Variants in IL12B observed in about 807,000 individuals in gnomAD.
The protein encoded by IL12B is interleukin 12B, also known as interleukin-12 subunit beta.
IL12B carries 27 observed loss-of-function variants against 39.2 expected under a neutral mutation model. The observed-to-expected ratio is 0.69, with a 90% CI of 0.51 to 0.95. The LOEUF (loss-of-function observed/expected upper bound fraction) is 0.95, where lower values mean the gene tolerates loss of function less well. Among genes scored for constraint, IL12B ranks in the 40% least tolerant of loss-of-function variants. The pLI is 0.00. For synonymous variants in IL12B, 142 were observed against 152.1 expected (o/e 0.93, Z 0.49); for missense variants, 351 against 397.6 (o/e 0.88, Z 1.00).
At position 159,318,856 on chromosome 5, in the gene IL12B, T is replaced by C. The variant is rs1365999897; in HGVS notation, c.735A>G (p.Pro245=). 1 of 1,614,096 alleles carries C rather than the reference T, an allele frequency of 6.2e-7. No homozygotes were observed. Among genetic ancestry groups the C allele is most frequent in the East Asian group, 2.2e-5 (1 of 44,886 alleles). ...PDPPKNLQLK[P]LKNSRQVEVS... is the part of the protein sequence containing the mutation. ...CCTCCACCTGCCGAGAATTCTTTAA[T>C]GGCTTCAGCTGCAAGTTCTTGGGTG... Residue 245 remains proline (P), a synonymous_variant, in exon 6 of 8, where the codon CCA becomes CCG. Coordinates refer to ENST00000231228, the MANE Select transcript of IL12B (RefSeq NM_002187.3).
At chr5:159,326,283 C>T (rs1437772288) in intron 2 of IL12B, among the ~76,000 whole-genome samples, 1 of 152,118 alleles carries the variant, frequency 6.6e-6, no homozygotes, top group African/African-American at 2.4e-5. Flanking sequence ...AGTGCTTGGT[C>T]AGAGGTAAGT....
At chr5:159,330,140 C>T (rs929936464) in intron 1 of IL12B, among the ~76,000 whole-genome samples, 6 of 152,182 alleles carry the variant, frequency 3.9e-5, no homozygotes, top group Admixed American at 1.3e-4. Flanking sequence ...TTTTATACAT[C>T]AATACACACC....
chr5:159,325,099 T>G (rs746961775), intron 2 of IL12B, among the ~76,000 whole-genome samples: 2 of 152,178 alleles, frequency 1.3e-5, no homozygotes, highest in Non-Finnish European at 2.9e-5. Context: ...GGAGGAAAGC[T>G]GAAGAGGAGC....
chr5:159,327,152 A>G (rs1460991533), intron 1 of IL12B, among the ~76,000 whole-genome samples: 3 of 152,220 alleles, frequency 2.0e-5, no homozygotes, highest in Admixed American at 6.5e-5. Context: ...ATCAACATCT[A>G]GCAGTTGTTT....
chr5:159,316,807 CTCTA>C lies in IL12B; in HGVS notation c.861_864del (p.Asp287GlufsTer44). 6.2e-7 allele frequency: 1 copy of C among 1,613,986 alleles called. No individual in the cohort carries two copies. On this transcript the variant is annotated frameshift_variant, in exon 7 of 8. Coordinates refer to ENST00000231228, the MANE Select transcript of IL12B (RefSeq NM_002187.3). LOFTEE classifies it high-confidence loss of function. The stretch of plus-strand genomic sequence containing the variant: ...GTGGCTGAGGTCTTGTCCGTGAAGA[CTCTA>C]TCTTTCTGCAAAAGAGAAGGAAAGC...
Position 159,320,417 on chromosome 5 carries a change from C to A in IL12B, c.586G>T (p.Asp196Tyr). 1 of 1,614,156 alleles carries A rather than the reference C, an allele frequency of 6.2e-7. No homozygotes were observed. Residue 196 changes from aspartate (D) to tyrosine (Y), a missense_variant, in exon 5 of 8, where the codon GAC becomes TAC. Transcript: ENST00000231228. ...EYEYSVECQE[D>Y]SACPAAEESL... is the part of the protein sequence containing the mutation. ...TCCTCAGCAGCTGGGCAGGCACTGT[C>A]CTCCTGGCACTCCACTGAGTACTCA...
At chr5:159,329,084 C>T (rs35174710) in intron 1 of IL12B, among the ~76,000 whole-genome samples, 1 of 152,172 alleles carries the variant, frequency 6.6e-6, no homozygotes, top group Non-Finnish European at 1.5e-5. Context: ...AGGGACCCCA[C>T]GTTACACACT....
chr5:159,314,938 G>A lies in IL12B; in HGVS notation c.*1163C>T, dbSNP rs1458524595. The A allele has an allele frequency of 6.6e-6, 1 of 152,276 alleles. No individual in the cohort carries two copies. The highest frequency in any genetic ancestry group is 1.5e-5 in the Non-Finnish European group (1 of 68,042). The allele number at this position is 152,276 out of a possible 1,614,324, so 9.4% of individuals were successfully genotyped here. ...AGCCATATTTTCTGGTCATAATTGT[G>A]TATCAGGTTCATTCATGCTAATGAG... On this transcript the variant is annotated 3_prime_UTR_variant, in exon 8 of 8. Transcript: ENST00000231228.
intron 1 of IL12B, among the ~76,000 whole-genome samples, chr5:159,327,590 C>T (rs2113037058): frequency 6.6e-6 from 1 of 152,296 alleles, no homozygotes; most frequent in South Asian, 2.1e-4. Context: ...GGCTGAGTCC[C>T]ACCCCCAGAG....
intron 6 of IL12B, among the ~76,000 whole-genome samples, chr5:159,317,605 A>C (rs1754009934): frequency 6.6e-6 from 1 of 152,224 alleles, no homozygotes; most frequent in Non-Finnish European, 1.5e-5. Flanking sequence ...GGCGGTACAA[A>C]AGGGCCTCTG....
intron 7 of IL12B, among the ~76,000 whole-genome samples, chr5:159,316,354 C>T (rs1313524167): frequency 1.3e-5 from 2 of 152,154 alleles, no homozygotes; most frequent in East Asian, 1.9e-4. Flanking sequence ...GGGCCCGGGG[C>T]CCCCAGAACA....
At chr5:159,316,876 A>T in intron 6 of IL12B, 60 bp from the exon 7 acceptor site, 1 of 1,599,754 alleles carries the variant, frequency 6.3e-7, no homozygotes, top group Admixed American at 1.7e-5. Context: ...GGGTAAGCTG[A>T]GCCTGTTTCT....
At chr5:159,326,875 T>C in intron 1 of IL12B, 93 bp from the exon 2 acceptor site, 1 of 852,094 alleles carries the variant, frequency 1.2e-6, no homozygotes, top group Non-Finnish European at 2.0e-6. Context: ...TAATTCTTGT[T>C]ACCTTTGTGA....
chr5:159,320,290 A>G lies in IL12B; in HGVS notation c.697+16T>C, dbSNP rs1334609290. The G allele has an allele frequency of 1.9e-6, 3 of 1,605,900 alleles. No individual in the cohort carries two copies. Among genetic ancestry groups the G allele is most frequent in the Non-Finnish European group, 2.6e-6 (3 of 1,172,734 alleles). The stretch of plus-strand genomic sequence containing the variant: ...TATCTTTCCTTATGGAGCACATATA[A>G]TCATCCAAAACTCACTGATGTCCCT... On this transcript the variant is annotated intron_variant, in intron 5 of 7. Coordinates refer to ENST00000231228, the MANE Select transcript of IL12B (RefSeq NM_002187.3).
intron 1 of IL12B, among the ~76,000 whole-genome samples, chr5:159,329,769 A>G (rs1354734372): frequency 6.6e-6 from 1 of 152,096 alleles, no homozygotes; most frequent in Non-Finnish European, 1.5e-5. Context: ...TGTTAAAATG[A>G]CATTGTTGTT....
intron 1 of IL12B, among the ~76,000 whole-genome samples, chr5:159,328,190 A>T (rs993677095): frequency 1.3e-5 from 2 of 152,204 alleles, no homozygotes; most frequent in Non-Finnish European, 2.9e-5. Flanking sequence ...CAGGCCTAGA[A>T]GTCAAGCCTT....
intron 3 of IL12B, 26 bp downstream of exon 3, chr5:159,323,028 G>T: frequency 6.2e-7 from 1 of 1,607,990 alleles, no homozygotes; most frequent in South Asian, 1.1e-5. Context: ...AGAGAAAATT[G>T]ATACTATCCA....
chr5:159,316,940 G>T, intron 6 of IL12B, 124 bp from the exon 7 acceptor site: 1 of 1,032,952 alleles, frequency 9.7e-7, no homozygotes, highest in Non-Finnish European at 1.5e-6. Flanking sequence ...CACTGTGCTT[G>T]CAATTCACAG....
chr5:159,324,117 A>G (rs138210841), intron 2 of IL12B, among the ~76,000 whole-genome samples: 5 of 151,682 alleles, frequency 3.3e-5, no homozygotes, highest in African/African-American at 9.7e-5. Context: ...TATTATTATT[A>G]TTTTTAGCTA....
Sources: allele counts gnomAD v4.1 joint callset (sites outside exome capture counted in the v4.1 genomes callset), GRCh38; gene constraint gnomAD v4.1.1; transcripts MANE v1.5; gene names NCBI Gene and HGNC (gene_info 2026-07-23, HGNC 2026-07-21).